The following ARHGAP15 variants were observed in gnomAD, a reference collection of about 807,000 sequenced individuals.
ARHGAP15 encodes Rho GTPase activating protein 15, also known as rho GTPase-activating protein 15.
In ARHGAP15, 51 loss-of-function variants were observed where a neutral mutation model predicts 63.7. The observed-to-expected ratio is 0.80, with a 90% CI of 0.64 to 1.01. The LOEUF (loss-of-function observed/expected upper bound fraction) is 1.01. Ranked by LOEUF, ARHGAP15 falls within the 50% of genes least tolerant of loss-of-function variation. The pLI is 0.00. For synonymous variants in ARHGAP15, 191 were observed against 193.8 expected, an observed-to-expected ratio of 0.99 and a Z score of 0.12; for missense variants, 560 against 564.6, an observed-to-expected ratio of 0.99 and a Z score of 0.08.
chr2:143,257,031 A>G (rs1680461359), intron 6 of ARHGAP15, among the ~76,000 whole-genome samples: 1 of 152,166 alleles, frequency 6.6e-6, no homozygotes, highest in African/African-American at 2.4e-5. Flanking sequence ...CTAAGAAATA[A>G]TAAAACTTTT....
chr2:143,140,193 G>A (rs1689304058), intron 1 of ARHGAP15, among the ~76,000 whole-genome samples: 1 of 151,948 alleles, frequency 6.6e-6, no homozygotes, highest in South Asian at 2.1e-4. Flanking sequence ...GCAATTTCTT[G>A]CTATTAGTTT....
At chr2:143,421,471 AAG>A (rs1207813971) in intron 6 of ARHGAP15, among the ~76,000 whole-genome samples, 1 of 151,932 alleles carries the variant, frequency 6.6e-6, no homozygotes, top group Non-Finnish European at 1.5e-5. Flanking sequence ...CTGGGAGAGA[AAG>A]AGGGAGGAAA....
intron 6 of ARHGAP15, among the ~76,000 whole-genome samples, chr2:143,266,691 G>A (rs1392713521): frequency 6.6e-6 from 1 of 151,504 alleles, no homozygotes; most frequent in African/African-American, 2.4e-5. Context: ...TTTTGCATAG[G>A]GTTTCCATTG....
At chr2:143,703,393 ACCTT>A (rs758389943) in intron 12 of ARHGAP15, 22 bp from the exon 13 acceptor site, 2 of 1,585,468 alleles carry the variant, frequency 1.3e-6, no homozygotes, top group South Asian at 2.3e-5. Context: ...TTTTTCCCTA[ACCTT>A]CCTTTTTATT....
At chr2:143,328,152 A>G (rs1057501804) in intron 6 of ARHGAP15, among the ~76,000 whole-genome samples, 1 of 152,242 alleles carries the variant, frequency 6.6e-6, no homozygotes, top group Admixed American at 6.5e-5. Context: ...GTGGGAGTGT[A>G]AACTAGTTCA....
At chr2:143,157,687 C>T (rs1309408463) in intron 2 of ARHGAP15, among the ~76,000 whole-genome samples, 1 of 151,218 alleles carries the variant, frequency 6.6e-6, no homozygotes. Context: ...TGCCATGGCA[C>T]TAATTTTCTT....
intron 10 of ARHGAP15, among the ~76,000 whole-genome samples, chr2:143,550,400 TCAATC>T (rs1275901422): frequency 6.6e-6 from 1 of 152,194 alleles, no homozygotes; most frequent in Non-Finnish European, 1.5e-5. Context: ...TTCTTAAACT[TCAATC>T]CAAGAAAGAA....
intron 12 of ARHGAP15, among the ~76,000 whole-genome samples, chr2:143,687,962 T>C (rs1462202948): frequency 2.0e-5 from 3 of 152,196 alleles, no homozygotes; most frequent in Admixed American, 6.5e-5. Flanking sequence ...AATTGCTTCT[T>C]TTTACAGATT....
intron 2 of ARHGAP15, among the ~76,000 whole-genome samples, chr2:143,172,786 A>G (rs1690843221): frequency 1.3e-5 from 2 of 152,228 alleles, no homozygotes; most frequent in South Asian, 2.1e-4. Context: ...TGCACACCGA[A>G]GTGAAAGTGT....
chr2:143,154,065 C>T (rs1009699781), intron 1 of ARHGAP15, among the ~76,000 whole-genome samples: 8 of 151,448 alleles, frequency 5.3e-5, no homozygotes, highest in African/African-American at 1.9e-4. Context: ...ACATATGGGT[C>T]TTCTTTTGGG....
intron 9 of ARHGAP15, among the ~76,000 whole-genome samples, chr2:143,513,916 TAACTC>T (rs1693692039): frequency 6.6e-6 from 1 of 152,196 alleles, no homozygotes. Flanking sequence ...CTTTCACAAA[TAACTC>T]AATATCTCTG....
intron 6 of ARHGAP15, among the ~76,000 whole-genome samples, chr2:143,422,486 T>C (rs1688965664): frequency 1.3e-5 from 2 of 152,166 alleles, no homozygotes; most frequent in African/African-American, 4.8e-5. Context: ...GAAGTGTGTC[T>C]TCTGGACAGA....
intron 1 of ARHGAP15, among the ~76,000 whole-genome samples, chr2:143,135,181 A>G (rs868302488): frequency 3.9e-5 from 6 of 152,202 alleles, no homozygotes; most frequent in African/African-American, 1.4e-4. Flanking sequence ...TTCAGTGAGG[A>G]GAGGAATTTG....
chr2:143,310,293 G>T (rs1476292605), intron 6 of ARHGAP15, among the ~76,000 whole-genome samples: 2 of 151,956 alleles, frequency 1.3e-5, no homozygotes, highest in African/African-American at 4.8e-5. Context: ...TGACATTTTT[G>T]CAAGAAAGAT....
intron 6 of ARHGAP15, among the ~76,000 whole-genome samples, chr2:143,364,373 A>C (rs1409919147): frequency 1.3e-5 from 2 of 152,164 alleles, no homozygotes. Context: ...TCACAGAAGT[A>C]GTTTAGGATT....
intron 12 of ARHGAP15, among the ~76,000 whole-genome samples, chr2:143,645,877 G>A (rs1680849344): frequency 6.6e-6 from 1 of 151,826 alleles, no homozygotes; most frequent in African/African-American, 2.4e-5. Flanking sequence ...AATCTCTTTG[G>A]CCAAGTTTTT....
At chr2:143,622,925 AATGCTCCTCTGG>A (rs1698695383) in intron 11 of ARHGAP15, among the ~76,000 whole-genome samples, 1 of 152,076 alleles carries the variant, frequency 6.6e-6, no homozygotes, top group Non-Finnish European at 1.5e-5. Context: ...TTTGGTGCAA[AATGCTCCTCTGG>A]ATTCATAAAA....
chr2:143,716,820 A>G (rs567553322), intron 13 of ARHGAP15, among the ~76,000 whole-genome samples: 12 of 152,366 alleles, frequency 7.9e-5, no homozygotes, highest in Admixed American at 1.3e-4. Flanking sequence ...GCACAGGCCA[A>G]TCCCTCAGAC....
chr2:143,494,943 C>T (rs974015230), intron 9 of ARHGAP15, among the ~76,000 whole-genome samples: 1 of 152,176 alleles, frequency 6.6e-6, no homozygotes, highest in Non-Finnish European at 1.5e-5. Context: ...GAGAAAATAT[C>T]TCAGATTATT....
Sources: gnomAD v4.1 joint callset for allele counts (sites outside exome capture counted in the v4.1 genomes callset) on GRCh38, gnomAD v4.1.1 for gene constraint, MANE v1.5 for transcripts, NCBI Gene and HGNC (gene_info 2026-07-23, HGNC 2026-07-21) for gene names.